Variants in SERPINB4 observed in about 807,000 individuals in gnomAD.
The protein encoded by SERPINB4 is serpin B4.
Under a neutral mutation model 33.2 loss-of-function variants are expected in SERPINB4, and 39 were observed. The observed-to-expected ratio is 1.18, with a 90% confidence interval of 0.91 to 1.53. The LOEUF (loss-of-function observed/expected upper bound fraction) is 1.53. Among genes scored for constraint, SERPINB4 ranks in the 40% most tolerant of loss-of-function variants. The probability of loss-of-function intolerance (pLI) is 0.00; values close to 1 mark genes in which losing one functional copy is unlikely to be tolerated. For synonymous variants in SERPINB4, 191 were observed against 166.4 expected, an observed-to-expected ratio of 1.15 and a Z score of -1.14; for missense variants, 564 against 455.4, an observed-to-expected ratio of 1.24 and a Z score of -2.17.
chr18:63,643,121 T>C, intron 3 of SERPINB4, 40 bp downstream of exon 3: 2 of 1,612,498 alleles, frequency 1.2e-6, no homozygotes, highest in Non-Finnish European at 1.7e-6. Context: ...TATGACCTGT[T>C]CAGGGATCTA....
chr18:63,639,113 C>A, intron 7 of SERPINB4, 72 bp downstream of exon 7: 3 of 1,469,458 alleles, frequency 2.0e-6, no homozygotes, highest in Non-Finnish European at 2.7e-6. Flanking sequence ...TAAGCTTTTA[C>A]CTTGTTTAAA....
Position 63,639,670 on chromosome 18 carries a change from T to C in SERPINB4, c.576A>G (p.Lys192=). 1 of 1,610,854 alleles carries C rather than the reference T, an allele frequency of 6.2e-7. No individual in the cohort carries two copies. The highest frequency in any genetic ancestry group is 1.1e-5 in the South Asian group (1 of 90,858). Residue 192 remains lysine (K), a synonymous_variant, in exon 6 of 8, where the codon AAA becomes AAG. Transcript: ENST00000341074. ...AAAATTTTTCCTCTTTAGTGTTTTC[T>C]TTTTTAAATTTATTCTCCCACTGCC... is the stretch of plus-strand genomic sequence containing the variant. ...FKGQWENKFK[K]ENTKEEKFWP...
chr18:63,639,849 T>G (rs73962309), intron 5 of SERPINB4, 73 bp from the exon 6 acceptor site: 3 of 1,371,038 alleles, frequency 2.2e-6, no homozygotes, highest in African/African-American at 1.5e-5. Context: ...TTTGCAAATG[T>G]TCGTGACTGA....
intron 3 of SERPINB4, among the ~76,000 whole-genome samples, chr18:63,642,637 T>C (rs902295253): frequency 1.3e-5 from 2 of 152,112 alleles, no homozygotes; most frequent in African/African-American, 4.8e-5. Flanking sequence ...TTTTCCAAAA[T>C]ATACTTGGAC....
intron 2 of SERPINB4, 21 bp downstream of exon 2, chr18:63,643,392 C>G (rs369788301): frequency 1.2e-6 from 2 of 1,613,322 alleles, no homozygotes; most frequent in African/African-American, 2.7e-5. Flanking sequence ...AACAGGACAA[C>G]GTAATGATGC....
chr18:63,643,665 C>A (rs1913218105), intron 1 of SERPINB4, 62 bp from the exon 2 acceptor site: 1 of 1,507,484 alleles, frequency 6.6e-7, no homozygotes, highest in Non-Finnish European at 9.0e-7. Flanking sequence ...TTTTGTAGTA[C>A]AATTTTCTTA....
At chr18:63,640,296 G>A (rs1913082983) in intron 5 of SERPINB4, among the ~76,000 whole-genome samples, 1 of 151,986 alleles carries the variant, frequency 6.6e-6, no homozygotes, top group Non-Finnish European at 1.5e-5. Context: ...TTGAGTTGCT[G>A]TAAGTTTGGC....
chr18:63,643,426 T>C lies in SERPINB4; in HGVS notation c.152A>G (p.Gln51Arg). ...GCTGATAGCTACCTTGCTAATTTGTTGTGCAGTGTTGTCTTTGGCTCCTAA... is the reference window on the plus strand; with the variant it reads ...GCTGATAGCTACCTTGCTAATTTGTCGTGCAGTGTTGTCTTTGGCTCCTAA... ...VLLGAKDNTAQQISKVLHFDQ... is the reference protein window; with the variant it reads ...VLLGAKDNTARQISKVLHFDQ... The change falls in exon 2 of 8, where the codon CAA (glutamine) becomes CGA (arginine). Residue 51 changes from glutamine (Q) to arginine (R), a missense_variant. Gln to Arg is a conservative substitution (Grantham distance 43). Transcript: ENST00000341074. The C allele has an allele frequency of 6.2e-7, 1 of 1,613,690 alleles. No individual in the cohort carries two copies. Among genetic ancestry groups the C allele is most frequent in the Non-Finnish European group, 8.5e-7 (1 of 1,179,708 alleles).
Position 63,643,468 on chromosome 18 carries a change from G to A in SERPINB4, c.110C>T (p.Ala37Val). 6.2e-7 allele frequency: 1 copy of A among 1,613,698 alleles called. No homozygotes were observed. The highest frequency in any genetic ancestry group is 1.1e-5 in the South Asian group (1 of 91,060). Reference sequence around the variant, plus strand: ...GGCTCCTAAGAGGACCATCCCTAATGCTGATGTGATGCTGATAGGGGAATA... The same window carrying A: ...GGCTCCTAAGAGGACCATCCCTAATACTGATGTGATGCTGATAGGGGAATA... ...IFYSPISITS[A>V]LGMVLLGAKD... Residue 37 changes from alanine to valine, a missense_variant, in exon 2 of 8, where the codon GCA becomes GTA. Transcript: ENST00000341074.
Position 63,643,417 on chromosome 18 carries a change from CT to C in SERPINB4, c.160del (p.Ser54AlafsTer36). ...CGTAATGATGCTGATAGCTACCTTG[CT>C]AATTTGTTGTGCAGTGTTGTCTTTG... is the stretch of plus-strand genomic sequence containing the variant. ...GAKDNTAQQI[S>X]KVLHFDQVTE... On this transcript the variant is annotated frameshift_variant, in exon 2 of 8. Transcript: ENST00000341074. LOFTEE classifies it high-confidence loss of function. 6.2e-7 allele frequency: 1 copy of C among 1,613,570 alleles called. No homozygotes were observed. Among genetic ancestry groups the C allele is most frequent in the Non-Finnish European group, 8.5e-7 (1 of 1,179,658 alleles).
intron 4 of SERPINB4, 36 bp downstream of exon 4, chr18:63,641,724 A>T: frequency 6.2e-7 from 1 of 1,612,622 alleles, no homozygotes; most frequent in Non-Finnish European, 8.5e-7. Flanking sequence ...AGACATCAGG[A>T]TGCAAATGAA....
In SERPINB4 at chr18:63,637,897, G is replaced by A. The variant is rs1339226597; in HGVS notation, c.995C>T (p.Ala332Val). The A allele has an allele frequency of 7.4e-6, 12 of 1,613,502 alleles. No individual in the cohort carries two copies. Among genetic ancestry groups the A allele is most frequent in the Non-Finnish European group, 9.3e-6 (11 of 1,179,688 alleles). The change falls in exon 8 of 8, where the codon GCC (alanine) becomes GTC (valine). Residue 332 changes from alanine to valine, a missense_variant. By Grantham distance (64) the Ala-to-Val change is moderately conservative (BLOSUM62 0). Coordinates refer to ENST00000341074, the MANE Select transcript of SERPINB4 (RefSeq NM_002974.4). ...GLSVSKVLHK[A>V]FVEVTEEGVE... ...TCCCTCCTCAGTGACCTCCACAAAG[G>A]CCTTGTGTAGGACTTTAGATACTGA... is the stretch of plus-strand genomic sequence containing the variant.
At position 63,639,740 on chromosome 18, in the gene SERPINB4, C is replaced by T. The variant is rs553241908; in HGVS notation, c.506G>A (p.Gly169Asp). ...CACAAGAACCAGTGTCGTATCATTG[C>T]CAATAGTCCCATCAGGAAATAGGTT... Reference protein sequence around the residue: ...IKNLFPDGTIGNDTTLVLVNA... With the variant: ...IKNLFPDGTIDNDTTLVLVNA... The change falls in exon 6 of 8, where the codon GGC becomes GAC. Residue 169 changes from glycine (G) to aspartate (D), a missense_variant. By Grantham distance (94) the Gly-to-Asp change is moderately conservative (BLOSUM62 -1). Transcript: ENST00000341074. 1.9e-6 allele frequency: 3 copies of T among 1,611,626 alleles called. No homozygotes were observed.
intron 3 of SERPINB4, among the ~76,000 whole-genome samples, chr18:63,642,656 A>C (rs1379461838): frequency 6.6e-6 from 1 of 152,102 alleles, no homozygotes; most frequent in Non-Finnish European, 1.5e-5. Flanking sequence ...ACTTGTGCTT[A>C]TTCCTCTGAA....
At chr18:63,642,437 C>G (rs1485218899) in intron 3 of SERPINB4, among the ~76,000 whole-genome samples, 1 of 152,100 alleles carries the variant, frequency 6.6e-6, no homozygotes, top group African/African-American at 2.4e-5. Flanking sequence ...ATGGGTAACT[C>G]TAAGTCTTTA....
At position 63,637,913 on chromosome 18, in the gene SERPINB4, T is replaced by C. The variant is rs2144461495; in HGVS notation, c.979A>G (p.Lys327Glu). ...TCCACAAAGGCCTTGTGTAGGACTT[T>C]AGATACTGAGAGACCGTGGCTCCAG... ...MTWSHGLSVS[K>E]VLHKAFVEVT... The change falls in exon 8 of 8, where the codon AAA becomes GAA. Residue 327 changes from lysine to glutamate, a missense_variant. Physicochemically the swap from Lys to Glu is moderately conservative, Grantham distance 56 (BLOSUM62 1). Transcript: ENST00000341074. 7.4e-6 allele frequency: 12 copies of C among 1,613,610 alleles called. No homozygotes were observed. The highest frequency in any genetic ancestry group is 1.0e-5 in the Non-Finnish European group (12 of 1,179,732).
At chr18:63,643,099 C>A (rs1913190091) in intron 3 of SERPINB4, 62 bp downstream of exon 3, 1 of 1,604,026 alleles carries the variant, frequency 6.2e-7, no homozygotes, top group Admixed American at 1.7e-5. Context: ...TTGTGAAGTT[C>A]CAGGTTTAAA....
rs1486138741 is a variant in SERPINB4 at position 63,641,803 on chromosome 18, A to T, written c.308T>A (p.Ile103Asn). Residue 103 changes from isoleucine to asparagine, a missense_variant, in exon 4 of 8, where the codon ATC becomes AAC. Ile to Asn is a moderately radical substitution (Grantham distance 149). Transcript: ENST00000341074. Reference sequence around the variant, plus strand: ...CTTTTCTCCGAAGAGCTTGTTGGCGATCTTCAGCTCATATGCATCAGTGGA... The same window carrying T: ...CTTTTCTCCGAAGAGCTTGTTGGCGTTCTTCAGCTCATATGCATCAGTGGA... ...NKSTDAYELKIANKLFGEKTY... is the reference protein window; with the variant it reads ...NKSTDAYELKNANKLFGEKTY... 3 of 1,613,492 alleles carry T rather than the reference A, an allele frequency of 1.9e-6. No individual in the cohort carries two copies. In the South Asian group the frequency reaches 3.3e-5, roughly 18 times the overall value.
chr18:63,643,793 G>C (rs1317509866), intron 1 of SERPINB4, among the ~76,000 whole-genome samples, 190 bp from the exon 2 acceptor site: 8 of 152,054 alleles, frequency 5.3e-5, no homozygotes, highest in African/African-American at 1.9e-4. Context: ...TAATTAGAAG[G>C]CTTACAAAAC....
Sources: allele counts gnomAD v4.1 joint callset (sites outside exome capture counted in the v4.1 genomes callset), GRCh38; gene constraint gnomAD v4.1.1; transcripts MANE v1.5; gene names NCBI Gene and HGNC (gene_info 2026-07-23, HGNC 2026-07-21).